AGPS: variants seen among roughly 807,000 people sequenced by gnomAD.
AGPS encodes the protein alkylglycerone phosphate synthase.
Under a neutral mutation model 90.7 loss-of-function variants are expected in AGPS, and 26 were observed. The observed-to-expected ratio is 0.29, with a 90% CI of 0.21 to 0.40. AGPS has a LOEUF of 0.40. Ranked by LOEUF, AGPS falls within the 10% of genes least tolerant of loss-of-function variation. The probability of loss-of-function intolerance (pLI) is 1.00; values close to 1 mark genes in which losing one functional copy is unlikely to be tolerated. For missense variants in AGPS, 540 were observed against 816.1 expected (o/e 0.66, Z 4.12); for synonymous variants, 294 against 285.3 (o/e 1.03, Z -0.31).
rs1214273512 is a variant in AGPS at position 177,538,039 on chromosome 2, C to CAT, written c.1856-30_1856-29dup. ...GATTGATTGGTTCCCAGTATCATAG[C>CAT]ATATATTGAAGCATTTTTGATTTTG... On this transcript the variant is annotated intron_variant, in intron 19 of 19. Coordinates refer to ENST00000264167, the MANE Select transcript of AGPS (RefSeq NM_003659.4). 4.3e-6 allele frequency: 7 copies of CAT among 1,611,488 alleles called. No homozygotes were observed. The African/African-American group carries it at 8.0e-5, about 18-fold the overall frequency.
rs567636891 is a variant in AGPS at position 177,509,522 on chromosome 2, T to C, written c.1607+1491T>C. 3.9e-5 allele frequency among the ~76,000 whole-genome samples: 6 copies of C among 152,022 alleles called. 1 individual carries two copies. The highest frequency in any genetic ancestry group is 1.4e-4 in the African/African-American group (6 of 41,486). ...TCTACTGAAAATACAAAAAATTAGC[T>C]GGGCCTGGTGGCGGGCGTCTGTAGT... On this transcript the variant is annotated intron_variant, in intron 16 of 19. Transcript: ENST00000264167.
intron 13 of AGPS, among the ~76,000 whole-genome samples, chr2:177,498,342 G>A (rs1387823123): frequency 1.3e-5 from 2 of 149,802 alleles, no homozygotes; most frequent in African/African-American, 5.0e-5. Flanking sequence ...GGTGGTGGTG[G>A]GGGGTGTGCA....
intron 3 of AGPS, among the ~76,000 whole-genome samples, chr2:177,435,816 A>G (rs1365370066): frequency 6.6e-6 from 1 of 152,128 alleles, no homozygotes; most frequent in African/African-American, 2.4e-5. Flanking sequence ...ACTTCTTCCT[A>G]TATTCTAGCC....
chr2:177,403,828 T>C (rs1182631092), intron 1 of AGPS, among the ~76,000 whole-genome samples: 4 of 152,188 alleles, frequency 2.6e-5, no homozygotes, highest in African/African-American at 9.6e-5. Context: ...TCAGGAAGTA[T>C]TGTATTATAT....
Position 177,441,633 on chromosome 2 carries a change from T to G in AGPS, c.709+597T>G, listed in dbSNP as rs79941419. 1.5e-3 allele frequency among the ~76,000 whole-genome samples: 234 copies of G among 152,340 alleles called. 1 individual carries two copies. The highest frequency in any genetic ancestry group is 5.3e-3 in the African/African-American group (221 of 41,584). On this transcript the variant is annotated intron_variant, in intron 6 of 19. Coordinates refer to ENST00000264167, the MANE Select transcript of AGPS (RefSeq NM_003659.4). ...TAAAATTACGCTGAACCTTACAGAT[T>G]AACACCCCCTGTACTTCTTGTGGAA...
intron 14 of AGPS, 149 bp from the exon 15 acceptor site, chr2:177,505,357 A>G (rs535794098): frequency 1.4e-6 from 1 of 710,626 alleles, no homozygotes; most frequent in African/African-American, 1.8e-5. Context: ...TTTCGTGGAT[A>G]AAAGTTTGAA....
intron 18 of AGPS, 138 bp downstream of exon 18, chr2:177,521,506 G>A (rs1689192511): frequency 1.3e-6 from 1 of 769,546 alleles, no homozygotes; most frequent in South Asian, 1.5e-5. Flanking sequence ...GAAATGAAAA[G>A]CATATTTGTT....
chr2:177,511,883 G>T (rs1202466093), intron 16 of AGPS, among the ~76,000 whole-genome samples: 2 of 152,120 alleles, frequency 1.3e-5, no homozygotes, highest in African/African-American at 4.8e-5. Flanking sequence ...ATCAGTGAGG[G>T]TTTAGATATA....
Position 177,541,797 on chromosome 2 carries a change from T to G in AGPS, c.*3602T>G, listed in dbSNP as rs1301862241. 1 of 152,180 alleles carries G rather than the reference T, an allele frequency of 6.6e-6. No homozygotes were observed. Among genetic ancestry groups the G allele is most frequent in the East Asian group, 1.9e-4 (1 of 5,202 alleles). The allele number at this position is 152,180 out of a possible 1,614,324, so 9.4% of individuals were successfully genotyped here. ...CCATCTGTCAGTATATTCACTTAAT[T>G]CTTACTAATTTCAGTTTCCTGTAAA... is the stretch of plus-strand genomic sequence containing the variant. On this transcript the variant is annotated 3_prime_UTR_variant, in exon 20 of 20. Coordinates refer to ENST00000264167, the MANE Select transcript of AGPS (RefSeq NM_003659.4).
In AGPS at chr2:177,538,619, T is replaced by C; in HGVS notation, c.*424T>C. The C allele has an allele frequency of 3.7e-6, 1 of 267,514 alleles. No individual in the cohort carries two copies. The highest frequency in any genetic ancestry group is 7.2e-6 in the Non-Finnish European group (1 of 138,158). 16.6% of individuals were successfully genotyped at this position (267,514 alleles called of 1,614,324 possible). ...AGGGAAGGATTCCACTGAGGAGTGATACACGTGTACATTGTTTAAGAGCAT... is the reference window on the plus strand; with the variant it reads ...AGGGAAGGATTCCACTGAGGAGTGACACACGTGTACATTGTTTAAGAGCAT... On this transcript the variant is annotated 3_prime_UTR_variant, in exon 20 of 20. Transcript: ENST00000264167.
intron 19 of AGPS, among the ~76,000 whole-genome samples, chr2:177,532,212 C>T (rs2079144676): frequency 1.3e-5 from 2 of 151,894 alleles, no homozygotes; most frequent in African/African-American, 4.8e-5. Context: ...ATGTGCAAAC[C>T]TTATATCCAA....
chr2:177,452,967 AC>A (rs899214189), intron 8 of AGPS, among the ~76,000 whole-genome samples: 6 of 151,202 alleles, frequency 4.0e-5, no homozygotes, highest in Non-Finnish European at 7.4e-5. Flanking sequence ...CATCTAGTTA[AC>A]CTTTCCTATA....
chr2:177,401,564 C>T (rs1439083476), intron 1 of AGPS, among the ~76,000 whole-genome samples: 4 of 145,670 alleles, frequency 2.7e-5, no homozygotes, highest in Admixed American at 1.4e-4. Flanking sequence ...TTTTTTTTTG[C>T]GACAGAGTCT....
At chr2:177,472,321 C>T (rs1282260064) in intron 10 of AGPS, among the ~76,000 whole-genome samples, 1 of 150,310 alleles carries the variant, frequency 6.7e-6, no homozygotes, top group African/African-American at 2.5e-5. Flanking sequence ...TTTGTATTCT[C>T]CTTTGGGTAG....
chr2:177,514,295 A>G (rs1688964319), intron 17 of AGPS, among the ~76,000 whole-genome samples: 1 of 152,210 alleles, frequency 6.6e-6, no homozygotes, highest in Non-Finnish European at 1.5e-5. Context: ...TTTGTTGTTT[A>G]CTAGTAATTT....
intron 19 of AGPS, among the ~76,000 whole-genome samples, chr2:177,526,679 A>C (rs1027446292): frequency 6.6e-6 from 1 of 152,322 alleles, no homozygotes; most frequent in African/African-American, 2.4e-5. Context: ...CTACTGACAA[A>C]AACTGATGGG....
At chr2:177,500,091 T>C (rs1326975987) in intron 14 of AGPS, among the ~76,000 whole-genome samples, 1 of 151,974 alleles carries the variant, frequency 6.6e-6, no homozygotes, top group African/African-American at 2.4e-5. Flanking sequence ...TCTGTGGTGA[T>C]AATAGTGTAT....
intron 7 of AGPS, among the ~76,000 whole-genome samples, chr2:177,442,828 CAAA>C (rs71007994): frequency 1.6e-4 from 16 of 99,380 alleles, no homozygotes; most frequent in Admixed American, 4.4e-4. Context: ...GCCTGGGTGA[CAAA>C]AAAAAAAAAA....
At chr2:177,475,509 T>G (rs1687756405) in intron 10 of AGPS, among the ~76,000 whole-genome samples, 1 of 152,222 alleles carries the variant, frequency 6.6e-6, no homozygotes, top group Admixed American at 6.5e-5. Flanking sequence ...GATCTTCTTT[T>G]GATCTCTATA....
Sources: allele counts gnomAD v4.1 joint callset (sites outside exome capture counted in the v4.1 genomes callset), GRCh38; gene constraint gnomAD v4.1.1; transcripts MANE v1.5; gene names NCBI Gene and HGNC (gene_info 2026-07-23, HGNC 2026-07-21).